EPRS1: variants seen among roughly 807,000 people sequenced by gnomAD.
EPRS1 encodes the protein glutamyl-prolyl-tRNA synthetase 1.
A neutral mutation model predicts 188.3 loss-of-function variants in EPRS1; 107 were observed. That is an observed-to-expected ratio of 0.57 (90% CI 0.49 to 0.67). The LOEUF is 0.67. EPRS1 is among the 30% of genes least tolerant of loss of function. EPRS1 has a pLI of 0.00. For missense variants in EPRS1, 1,577 were observed against 1,802.2 expected (o/e 0.88, Z 2.26); for synonymous variants, 596 against 593.1 (o/e 1.00, Z -0.07).
At chr1:220,027,427 CAA>C (rs35659781) in intron 6 of EPRS1, among the ~76,000 whole-genome samples, 110,425 of 137,978 alleles carry the variant, frequency 0.8, 43,848 homozygotes, top group East Asian at 0.92. Context: ...GACTCCATCT[CAA>C]AAAAAAAAAA....
rs34626963 is a variant in EPRS1, at chr1:220,016,392, GAA to G, written c.1494+2055_1494+2056del. On this transcript the variant is annotated intron_variant, in intron 12 of 31. Coordinates refer to ENST00000366923, the MANE Select transcript of EPRS1 (RefSeq NM_004446.3). ...AAAGAGTACGCAGGGGTGGGGAGAGGAAAAAAAAAAAATTAATTTTCTTTTTT... is the reference window on the plus strand; with the variant it reads ...AAAGAGTACGCAGGGGTGGGGAGAGGAAAAAAAAAATTAATTTTCTTTTTT... 2.4e-3 allele frequency among the ~76,000 whole-genome samples: 316 copies of G among 132,496 alleles called. 2 individuals carry two copies. The highest frequency in any genetic ancestry group is 7.2e-3 in the African/African-American group (249 of 34,712). 86.9% of individuals were successfully genotyped at this position (132,496 alleles called of 152,430 possible). A position where few individuals can be genotyped will look rare whatever the true frequency, so the allele number is the denominator to read the frequency against.
At chr1:219,979,992 A>T in intron 26 of EPRS1, 93 bp downstream of exon 26, 1 of 1,084,456 alleles carries the variant, frequency 9.2e-7, no homozygotes, top group Non-Finnish European at 1.3e-6. Flanking sequence ...TTATTTTTTA[A>T]GAGTCTACTT....
intron 18 of EPRS1, among the ~76,000 whole-genome samples, chr1:219,991,942 A>G (rs1487076630): frequency 6.6e-6 from 1 of 152,240 alleles, no homozygotes; most frequent in Non-Finnish European, 1.5e-5. Context: ...ATTTGTTTAG[A>G]TCAAAATCAA....
chr1:220,046,274 C>T (rs1217762215), intron 1 of EPRS1, 69 bp downstream of exon 1: 1 of 1,579,796 alleles, frequency 6.3e-7, no homozygotes, highest in Non-Finnish European at 8.7e-7. Context: ...CGGGGCGCAG[C>T]GACCTTCCAC....
intron 18 of EPRS1, among the ~76,000 whole-genome samples, chr1:219,990,122 GA>G (rs71560596): frequency 1.9e-3 from 212 of 111,986 alleles, no homozygotes; most frequent in Middle Eastern, 5.4e-3. Flanking sequence ...TTTTCACACG[GA>G]AAAAAAAAAA....
At position 219,978,587 on chromosome 1, in the gene EPRS1, T is replaced by G; in HGVS notation, c.4042A>C (p.Asn1348His). 6.3e-7 allele frequency: 1 copy of G among 1,594,396 alleles called. No homozygotes were observed. The highest frequency in any genetic ancestry group is 8.6e-7 in the Non-Finnish European group (1 of 1,168,932). ...NIRVRADLRD[N>H]YSPGWKFNHW... Reference sequence around the variant, plus strand: ...TTGAATTTCCAACCTGGAGAATAATTATCTCGTAAATCAGCTCTAACGCGG... The same window carrying G: ...TTGAATTTCCAACCTGGAGAATAATGATCTCGTAAATCAGCTCTAACGCGG... The change falls in exon 28 of 32, where the codon AAT (asparagine) becomes CAT (histidine). Residue 1348 changes from asparagine (N) to histidine (H), a missense_variant. Asn to His is a moderately conservative substitution (Grantham distance 68). Around this residue, in one of 3 missense-constraint regions of EPRS1, gnomAD observed 296 missense variants for 327.9 expected, o/e 0.90. Coordinates refer to ENST00000366923, the MANE Select transcript of EPRS1 (RefSeq NM_004446.3).
intron 1 of EPRS1, among the ~76,000 whole-genome samples, chr1:220,043,611 C>T (rs1361043111): frequency 6.6e-6 from 1 of 152,066 alleles, no homozygotes; most frequent in Non-Finnish European, 1.5e-5. Flanking sequence ...TTAGAATAAT[C>T]AGTAATGGGA....
At chr1:219,975,133 C>T (rs189039918) in intron 28 of EPRS1, among the ~76,000 whole-genome samples, 2 of 152,134 alleles carry the variant, frequency 1.3e-5, no homozygotes, top group Non-Finnish European at 2.9e-5. Context: ...AGGACTGGAT[C>T]CTACACTGAA....
In EPRS1 at chr1:219,987,740, T is replaced by C. The variant is rs561125926; in HGVS notation, c.2776-336A>G. Among the ~76,000 whole-genome samples the C allele has an allele frequency of 1.6e-4, 25 of 152,292 alleles. No homozygotes were observed. In the South Asian group the frequency reaches 4.4e-3, roughly 27 times the overall value. On this transcript the variant is annotated intron_variant, in intron 19 of 31. Coordinates refer to ENST00000366923, the MANE Select transcript of EPRS1 (RefSeq NM_004446.3). Reference sequence around the variant, plus strand: ...AAGATTATGATAAACAGGGATAGAATTGTGCAAAACTGTGACTGGAAAACA... The same window carrying C: ...AAGATTATGATAAACAGGGATAGAACTGTGCAAAACTGTGACTGGAAAACA...
chr1:219,987,087 A>C, intron 20 of EPRS1, 55 bp downstream of exon 20: 1 of 1,553,670 alleles, frequency 6.4e-7, no homozygotes, highest in African/African-American at 1.4e-5. Context: ...AAAAACTATT[A>C]AGAATTGAAT....
intron 6 of EPRS1, among the ~76,000 whole-genome samples, chr1:220,025,914 C>T (rs1413440080): frequency 6.6e-6 from 1 of 152,008 alleles, no homozygotes; most frequent in Non-Finnish European, 1.5e-5. Context: ...CCTGCCTCAG[C>T]CCCCCAAATA....
intron 23 of EPRS1, among the ~76,000 whole-genome samples, chr1:219,981,898 A>C (rs543464006): frequency 6.6e-6 from 1 of 152,220 alleles, no homozygotes; most frequent in Non-Finnish European, 1.5e-5. Context: ...GAAGCTAAAC[A>C]ATTTGCTGAA....
chr1:219,977,284 T>G (rs945570225), intron 28 of EPRS1, among the ~76,000 whole-genome samples: 1 of 152,152 alleles, frequency 6.6e-6, no homozygotes, highest in African/African-American at 2.4e-5. Flanking sequence ...TGCTTTATTT[T>G]CTTTCCTGAG....
At chr1:220,003,351 T>G (rs771481019) in intron 16 of EPRS1, among the ~76,000 whole-genome samples, 3 of 152,224 alleles carry the variant, frequency 2.0e-5, no homozygotes, top group Non-Finnish European at 4.4e-5. Flanking sequence ...GCAAATATTT[T>G]CTCCCATTCT....
chr1:220,006,203 G>A lies in EPRS1; in HGVS notation c.1853C>T (p.Pro618Leu). 1 of 1,606,348 alleles carries A rather than the reference G, an allele frequency of 6.2e-7. No homozygotes were observed. The highest frequency in any genetic ancestry group is 8.5e-7 in the Non-Finnish European group (1 of 1,175,008). The part of the protein sequence containing the change: ...TWLAETTHAL[P>L]IPVICVTYEH... ...ATAAGTGACACAGATTACTGGAATA[G>A]GAAGAGCATGTGTAGTCTCTGCAAG... The change falls in exon 15 of 32, where the codon CCT (proline) becomes CTT (leucine). Residue 618 changes from proline (P) to leucine (L), a missense_variant. Physicochemically the swap from Pro to Leu is moderately conservative, Grantham distance 98. Transcript: ENST00000366923.
Position 219,988,441 on chromosome 1 carries a change from A to G in EPRS1, c.2775+149T>C, listed in dbSNP as rs1034678980. ...CTAGTTGGCGTAAGAAACAATCAAC[A>G]AAGTTTCTCTAAAAGGCAAGGTAAG... On this transcript the variant is annotated intron_variant, in intron 19 of 31. Transcript: ENST00000366923. The G allele has an allele frequency of 8.2e-6, 5 of 613,372 alleles. No homozygotes were observed. The Admixed American group carries it at 9.0e-5, about 11-fold the overall frequency. 38.0% of individuals were successfully genotyped at this position (613,372 alleles called of 1,614,324 possible).
chr1:220,038,225 G>A (rs1214000008), intron 2 of EPRS1, among the ~76,000 whole-genome samples: 2 of 151,442 alleles, frequency 1.3e-5, no homozygotes, highest in African/African-American at 2.4e-5. Context: ...TGGGATTACA[G>A]GCATGCACAA....
intron 28 of EPRS1, among the ~76,000 whole-genome samples, chr1:219,974,063 C>T (rs1401138292): frequency 6.6e-6 from 1 of 152,116 alleles, no homozygotes; most frequent in Non-Finnish European, 1.5e-5. Context: ...CATGCCTCAG[C>T]CTCCCGAGTA....
chr1:220,024,151 C>T, intron 8 of EPRS1, 113 bp downstream of exon 8: 1 of 770,754 alleles, frequency 1.3e-6, no homozygotes, highest in East Asian at 2.9e-5. Context: ...GACTCCTTCT[C>T]AAAACAAACA....
Sources: allele counts gnomAD v4.1 joint callset (sites outside exome capture counted in the v4.1 genomes callset), GRCh38; gene constraint gnomAD v4.1.1; regional missense constraint gnomAD v4.1.1; transcripts MANE v1.5; gene names NCBI Gene and HGNC (gene_info 2026-07-23, HGNC 2026-07-21).